The following PAPPA variants were observed in gnomAD, a reference collection of about 807,000 sequenced individuals.
PAPPA encodes pappalysin-1.
In PAPPA, 60 loss-of-function variants were observed where a neutral mutation model predicts 164.0. The ratio of observed to expected loss-of-function variants is 0.37; its 90% CI spans 0.30 to 0.45. The LOEUF is 0.45. Ranked by LOEUF, PAPPA falls within the 20% of genes least tolerant of loss-of-function variation. PAPPA has a pLI of 1.00. For synonymous variants in PAPPA, 875 were observed against 814.1 expected, an observed-to-expected ratio of 1.07 and a Z score of -1.27; for missense variants, 1,782 against 2,087.3, an observed-to-expected ratio of 0.85 and a Z score of 2.85.
At chr9:116,168,232 A>G (rs1843737259) in intron 1 of PAPPA, among the ~76,000 whole-genome samples, 1 of 152,166 alleles carries the variant, frequency 6.6e-6, no homozygotes, top group South Asian at 2.1e-4. Flanking sequence ...ATGTTCCTTC[A>G]TTTCTTCCTT....
chr9:116,290,834 T>C (rs1045446117), intron 9 of PAPPA, among the ~76,000 whole-genome samples: 1 of 152,158 alleles, frequency 6.6e-6, no homozygotes, highest in Non-Finnish European at 1.5e-5. Context: ...TGGATTTTTT[T>C]TTCCATTTAT....
Position 116,280,605 on chromosome 9 carries a change from G to A in PAPPA, c.2953+9189G>A, listed in dbSNP as rs369106277. Among the ~76,000 whole-genome samples, 10 of 152,308 alleles carry A rather than the reference G, an allele frequency of 6.6e-5. No homozygotes were observed. In the South Asian group the frequency reaches 8.3e-4, roughly 13 times the overall value. On this transcript the variant is annotated intron_variant, in intron 9 of 21. Coordinates refer to ENST00000328252, the MANE Select transcript of PAPPA (RefSeq NM_002581.5). ...TCAGGCCCTTGAGGACTGTGGTGAA[G>A]CTGCTATTTACGGCATGAAGGAAGG...
intron 7 of PAPPA, among the ~76,000 whole-genome samples, chr9:116,243,228 C>T (rs1844756868): frequency 6.6e-6 from 1 of 152,212 alleles, no homozygotes; most frequent in African/African-American, 2.4e-5. Flanking sequence ...AACCATGACA[C>T]ATTCTGAAGA....
Position 116,179,887 on chromosome 9 carries a change from A to C in PAPPA, c.416-7267A>C, listed in dbSNP as rs556586926. ...CAAAACAAAACAAAACAAAAAAGGG[A>C]CCAGCTCCAACCTTTAGCTTTTAAT... On this transcript the variant is annotated intron_variant, in intron 1 of 21. Coordinates refer to ENST00000328252, the MANE Select transcript of PAPPA (RefSeq NM_002581.5). Among the ~76,000 whole-genome samples the C allele has an allele frequency of 3.9e-5, 6 of 152,322 alleles. No individual in the cohort carries two copies. In the South Asian group the frequency reaches 1.2e-3, roughly 32 times the overall value.
rs374323670 is a variant in PAPPA at position 116,352,876 on chromosome 9, C to A, written c.4135C>A (p.Pro1379Thr). Residue 1379 changes from proline (P) to threonine (T), a missense_variant, in exon 16 of 22, where the codon CCT (proline) becomes ACT (threonine). Pro to Thr is a conservative substitution (Grantham distance 38). Transcript: ENST00000328252. ...CTCCTTCTGCAAATACAAATGCAAG[C>A]CTGGATACCATGTGCCTGGATCCTC... ...VGSFCKYKCKPGYHVPGSSRK... is the reference protein window; with the variant it reads ...VGSFCKYKCKTGYHVPGSSRK... 1.6e-5 allele frequency: 26 copies of A among 1,613,960 alleles called. No homozygotes were observed. Among genetic ancestry groups the A allele is most frequent in the Non-Finnish European group, 2.1e-5 (25 of 1,180,002 alleles).
At chr9:116,317,436 T>C (rs1845801203) in intron 10 of PAPPA, among the ~76,000 whole-genome samples, 1 of 152,236 alleles carries the variant, frequency 6.6e-6, no homozygotes, top group African/African-American at 2.4e-5. Flanking sequence ...AGCTGAGTGA[T>C]GGAGATGTCC....
At chr9:116,296,505 C>G (rs1845508151) in intron 9 of PAPPA, among the ~76,000 whole-genome samples, 2 of 152,146 alleles carry the variant, frequency 1.3e-5, no homozygotes, top group Admixed American at 1.3e-4. Flanking sequence ...GAGATCTTGT[C>G]TGCCTGATAA....
Position 116,331,360 on chromosome 9 carries a change from A to G in PAPPA, c.3261+3A>G. 1 of 1,553,644 alleles carries G rather than the reference A, an allele frequency of 6.4e-7. No individual in the cohort carries two copies. Among genetic ancestry groups the G allele is most frequent in the Non-Finnish European group, 8.9e-7 (1 of 1,124,916 alleles). On this transcript the variant is annotated splice_donor_region_variant and intron_variant, in intron 11 of 21. Coordinates refer to ENST00000328252, the MANE Select transcript of PAPPA (RefSeq NM_002581.5). ...CTCAGACCACTTTTTGGCTCCGGGT[A>G]AGCTGAAGCTCTGAGAGCTTTGGAA...
At chr9:116,268,023 T>C (rs1845092099) in intron 8 of PAPPA, among the ~76,000 whole-genome samples, 1 of 152,054 alleles carries the variant, frequency 6.6e-6, no homozygotes, top group African/African-American at 2.4e-5. Context: ...TTTATCTATA[T>C]ATTTCCGGAT....
At chr9:116,353,533 A>G in intron 16 of PAPPA, 89 bp from the exon 17 acceptor site, 1 of 1,193,844 alleles carries the variant, frequency 8.4e-7, no homozygotes, top group African/African-American at 1.5e-5. Flanking sequence ...GGAAATAGGA[A>G]ATGGGGGCCC....
chr9:116,259,729 T>C (rs776240704), intron 7 of PAPPA, among the ~76,000 whole-genome samples: 7 of 152,216 alleles, frequency 4.6e-5, no homozygotes, highest in Non-Finnish European at 1.0e-4. Flanking sequence ...TTTTGGTAAA[T>C]ACTTTGGCAA....
In PAPPA at chr9:116,261,119, C is replaced by T. The variant is rs548711125; in HGVS notation, c.2733-4738C>T. ...TCATCTCACAAGGAGGATAATTATT[C>T]GAGGGATTGTTCTTTTGGTTGAGAC... is the stretch of plus-strand genomic sequence containing the variant. On this transcript the variant is annotated intron_variant, in intron 7 of 21. Transcript: ENST00000328252. 1.2e-3 allele frequency among the ~76,000 whole-genome samples: 179 copies of T among 152,224 alleles called. 1 individual carries two copies. The highest frequency in any genetic ancestry group is 1.5e-3 in the Non-Finnish European group (103 of 68,026).
chr9:116,236,019 A>C (rs1344265121), intron 7 of PAPPA, among the ~76,000 whole-genome samples: 1 of 152,186 alleles, frequency 6.6e-6, no homozygotes, highest in Non-Finnish European at 1.5e-5. Flanking sequence ...TATTAAATTG[A>C]AGACAATTTA....
intron 1 of PAPPA, among the ~76,000 whole-genome samples, chr9:116,165,187 G>A (rs1385767503): frequency 2.0e-5 from 3 of 152,186 alleles, no homozygotes; most frequent in Non-Finnish European, 4.4e-5. Context: ...CTTAAGCCAG[G>A]TCTGGGTCCA....
chr9:116,312,859 G>A (rs1413551512), intron 10 of PAPPA, among the ~76,000 whole-genome samples: 4 of 151,850 alleles, frequency 2.6e-5, no homozygotes, highest in Non-Finnish European at 5.9e-5. Context: ...CAGGGCAGGC[G>A]GATCACAAGG....
At chr9:116,281,840 C>A (rs916032482) in intron 9 of PAPPA, among the ~76,000 whole-genome samples, 2 of 152,088 alleles carry the variant, frequency 1.3e-5, no homozygotes, top group African/African-American at 4.8e-5. Context: ...TGCCTCACAC[C>A]CCACTTAACC....
At chr9:116,264,090 A>C (rs1055071369) in intron 7 of PAPPA, among the ~76,000 whole-genome samples, 1 of 152,154 alleles carries the variant, frequency 6.6e-6, no homozygotes, top group African/African-American at 2.4e-5. Flanking sequence ...AAATGAACGC[A>C]TAATACAAGG....
At chr9:116,256,565 A>G (rs1391672193) in intron 7 of PAPPA, among the ~76,000 whole-genome samples, 3 of 151,954 alleles carry the variant, frequency 2.0e-5, no homozygotes, top group Admixed American at 6.5e-5. Context: ...AACTAAATAA[A>G]TTAATATAGT....
At chr9:116,192,571 G>T (rs1844055454) in intron 2 of PAPPA, among the ~76,000 whole-genome samples, 1 of 152,156 alleles carries the variant, frequency 6.6e-6, no homozygotes, top group African/African-American at 2.4e-5. Context: ...CACCTAGTGG[G>T]TAAGACAGAG....
Sources: allele counts gnomAD v4.1 joint callset (sites outside exome capture counted in the v4.1 genomes callset), GRCh38; gene constraint gnomAD v4.1.1; transcripts MANE v1.5; gene names NCBI Gene and HGNC (gene_info 2026-07-23, HGNC 2026-07-21).